The following EXOC6 variants were observed in gnomAD, a reference collection of about 807,000 sequenced individuals.
EXOC6 encodes exocyst complex component 6.
In EXOC6, 60 loss-of-function variants were observed where a neutral mutation model predicts 112.5. The observed-to-expected ratio is 0.53, with a 90% CI of 0.43 to 0.66. The LOEUF (loss-of-function observed/expected upper bound fraction) is 0.66, where lower values mean the gene tolerates loss of function less well. Among genes scored for constraint, EXOC6 ranks in the 30% least tolerant of loss-of-function variants. EXOC6 has a pLI of 0.00. For missense variants in EXOC6, 855 were observed against 957.1 expected (o/e 0.89, Z 1.41); for synonymous variants, 295 against 308.0 (o/e 0.96, Z 0.44).
chr10:92,889,656 T>C (rs563867984), intron 1 of EXOC6, among the ~76,000 whole-genome samples: 3 of 152,354 alleles, frequency 2.0e-5, no homozygotes, highest in East Asian at 3.8e-4. Context: ...CATTGATCTG[T>C]TTGTTTTACC....
At chr10:92,908,628 A>G (rs11817137) in intron 5 of EXOC6, among the ~76,000 whole-genome samples, 24 of 152,294 alleles carry the variant, frequency 1.6e-4, no homozygotes, top group African/African-American at 3.8e-4. Context: ...GCTAAATTAT[A>G]TACTCTTTTT....
At chr10:93,043,318 T>G (rs1439104116) in intron 20 of EXOC6, among the ~76,000 whole-genome samples, 1 of 152,252 alleles carries the variant, frequency 6.6e-6, no homozygotes, top group East Asian at 1.9e-4. Flanking sequence ...ACTCTCTTAA[T>G]TACCCCAGAT....
At chr10:92,990,249 T>A (rs573822916) in intron 18 of EXOC6, among the ~76,000 whole-genome samples, 1 of 152,194 alleles carries the variant, frequency 6.6e-6, no homozygotes, top group East Asian at 1.9e-4. Flanking sequence ...ACTTTAATCC[T>A]TTTAGACATT....
intron 1 of EXOC6, among the ~76,000 whole-genome samples, chr10:92,840,002 C>T (rs1846785897): frequency 6.6e-6 from 1 of 151,980 alleles, no homozygotes; most frequent in Non-Finnish European, 1.5e-5. Flanking sequence ...CTCTCTCAGG[C>T]ACTTTTCCAA....
rs74149152 is a variant in EXOC6 at position 92,828,915 on chromosome 10, A to G, written c.-27+1971A>G. Among the ~76,000 whole-genome samples, 121 of 152,180 alleles carry G rather than the reference A, an allele frequency of 8.0e-4. 1 individual carries two copies. Among genetic ancestry groups the G allele is most frequent in the Middle Eastern group, 3.4e-3 (1 of 294 alleles). ...AGTTAAGAAGAAATTATTTCGGCAG[A>G]TAGAGTAAGGAAGTCCTCCGTAAAC... On this transcript the variant is annotated intron_variant, in intron 1 of 22. Coordinates refer to the EXOC6 transcript ENST00000671701.
At chr10:92,865,515 C>T (rs1423836583) in intron 1 of EXOC6, among the ~76,000 whole-genome samples, 2 of 152,038 alleles carry the variant, frequency 1.3e-5, no homozygotes, top group African/African-American at 2.4e-5. Flanking sequence ...CCAGCCTGGG[C>T]GACAGAGGGA....
intron 1 of EXOC6, among the ~76,000 whole-genome samples, chr10:92,851,657 CA>C (rs1419460748): frequency 1.3e-5 from 2 of 148,636 alleles, no homozygotes; most frequent in African/African-American, 5.0e-5. Flanking sequence ...CTTAAAAAAA[CA>C]AAAACAAAAA....
At chr10:92,955,737 G>A (rs1201322592) in intron 17 of EXOC6, 23 bp downstream of exon 17, 1 of 1,596,742 alleles carries the variant, frequency 6.3e-7, no homozygotes, top group African/African-American at 1.4e-5. Flanking sequence ...TTGACCAAAA[G>A]TTTTCATTTC....
intron 1 of EXOC6, among the ~76,000 whole-genome samples, chr10:92,843,090 C>T (rs185530167): frequency 2.4e-4 from 37 of 152,288 alleles, no homozygotes; most frequent in Admixed American, 6.5e-4. Flanking sequence ...CCTCTGAGGA[C>T]TGGCCCGTAT....
intron 1 of EXOC6, among the ~76,000 whole-genome samples, chr10:92,853,946 TGCAGTGA>T (rs1177036977): frequency 6.7e-6 from 1 of 149,338 alleles, no homozygotes; most frequent in Non-Finnish European, 1.5e-5. Context: ...CTATTGAGGT[TGCAGTGA>T]GCCGTGATCA....
At chr10:92,915,071 A>G (rs757040375) in intron 6 of EXOC6, among the ~76,000 whole-genome samples, 22 of 152,170 alleles carry the variant, frequency 1.4e-4, no homozygotes, top group Non-Finnish European at 2.8e-4. Flanking sequence ...AACTGTGGGC[A>G]TTTTCAGTGG....
intron 8 of EXOC6, among the ~76,000 whole-genome samples, chr10:92,927,040 G>GA (rs1398650422): frequency 6.6e-6 from 1 of 152,102 alleles, no homozygotes; most frequent in Non-Finnish European, 1.5e-5. Context: ...AAAATAATTG[G>GA]AAAAAGTTTC....
At chr10:92,990,604 G>C (rs990739026) in intron 18 of EXOC6, among the ~76,000 whole-genome samples, 1 of 152,196 alleles carries the variant, frequency 6.6e-6, no homozygotes, top group African/African-American at 2.4e-5. Flanking sequence ...TAGGAAGGTT[G>C]AGACTGTTTT....
chr10:93,041,068 T>G (rs945368738), intron 20 of EXOC6, among the ~76,000 whole-genome samples: 3 of 152,200 alleles, frequency 2.0e-5, no homozygotes, highest in Non-Finnish European at 4.4e-5. Flanking sequence ...GCTGTTGACT[T>G]GTTATCTTCC....
intron 1 of EXOC6, among the ~76,000 whole-genome samples, chr10:92,854,916 T>C (rs918662107): frequency 2.0e-5 from 3 of 152,226 alleles, no homozygotes; most frequent in Non-Finnish European, 4.4e-5. Flanking sequence ...TTCCCCCCTT[T>C]ATTCTATTCA....
chr10:92,900,978 T>C (rs1276510241), intron 5 of EXOC6: 2 of 152,144 alleles, frequency 1.3e-5, no homozygotes, highest in South Asian at 2.1e-4. Context: ...CTGTTCTTTG[T>C]TTTTTTCATG....
chr10:92,991,725 TTCTC>T (rs72252880), intron 18 of EXOC6, among the ~76,000 whole-genome samples: 3,882 of 149,058 alleles, frequency 0.026, 163 homozygotes, highest in African/African-American at 0.089. Context: ...CACGTTCTAT[TTCTC>T]TCTCTCTCTC....
chr10:92,953,966 T>C (rs1183145750), intron 15 of EXOC6, among the ~76,000 whole-genome samples: 1 of 152,196 alleles, frequency 6.6e-6, no homozygotes, highest in Middle Eastern at 3.2e-3. Flanking sequence ...TATAGTTGTG[T>C]ATGAAGTTTC....
chr10:92,860,787 T>C (rs1047960480), intron 1 of EXOC6, among the ~76,000 whole-genome samples: 1 of 152,220 alleles, frequency 6.6e-6, no homozygotes, highest in Non-Finnish European at 1.5e-5. Context: ...TGTCATACTT[T>C]TCTTCCTTTT....
Sources: allele counts gnomAD v4.1 joint callset (sites outside exome capture counted in the v4.1 genomes callset), GRCh38; gene constraint gnomAD v4.1.1; transcripts MANE v1.5; gene names NCBI Gene and HGNC (gene_info 2026-07-23, HGNC 2026-07-21).